The following CPEB1 variants were observed in gnomAD, a reference collection of about 807,000 sequenced individuals.
CPEB1 encodes the protein cytoplasmic polyadenylation element binding protein 1.
In CPEB1, 7 loss-of-function variants were observed where a neutral mutation model predicts 65.8. That is an observed-to-expected ratio of 0.11 (90% CI 0.06 to 0.20). The LOEUF (loss-of-function observed/expected upper bound fraction) is 0.20, where lower values mean the gene tolerates loss of function less well. CPEB1 is among the 10% of genes least tolerant of loss of function. CPEB1 has a pLI of 1.00. For missense variants in CPEB1, 551 were observed against 712.2 expected (o/e 0.77, Z 2.58); for synonymous variants, 262 against 260.0 (o/e 1.01, Z -0.08).
At chr15:82,618,487 G>T (rs773054525) in intron 3 of CPEB1, among the ~76,000 whole-genome samples, 3 of 152,082 alleles carry the variant, frequency 2.0e-5, no homozygotes, top group Non-Finnish European at 4.4e-5. Flanking sequence ...CAGTTGCCTA[G>T]ATCCAAATCT....
Position 82,543,460 on chromosome 15 carries a change from TTA to T in CPEB1, c.*1130_*1131del. 6.9e-6 allele frequency: 1 copy of T among 145,552 alleles called. No homozygotes were observed. The highest frequency in any genetic ancestry group is 1.5e-5 in the Non-Finnish European group (1 of 66,692). The allele number at this position is 145,552 out of a possible 1,614,324, so 9.0% of individuals were successfully genotyped here. The stretch of plus-strand genomic sequence containing the variant: ...GTTTTTGTGGGTTTTTTGTTTCTTT[TTA>T]AAAAAAAAAAAAAAAAAAAAAAGGA... On this transcript the variant is annotated 3_prime_UTR_variant, in exon 13 of 13. Transcript: ENST00000684509.
chr15:82,618,181 T>C (rs918209522), intron 3 of CPEB1, among the ~76,000 whole-genome samples: 1 of 152,190 alleles, frequency 6.6e-6, no homozygotes, highest in African/African-American at 2.4e-5. Context: ...TCCAAATAGT[T>C]GTACCATTTT....
Position 82,611,996 on chromosome 15 carries a change from G to A in CPEB1, c.271+15197C>T, listed in dbSNP as rs141507826. On this transcript the variant is annotated intron_variant, in intron 3 of 12. Transcript: ENST00000684509. Reference sequence around the variant, plus strand: ...GAAGCCGAGGTGGGCAGATCATGAGGTCAGGAGATCGAGACCATCCTGGCT... The same window carrying A: ...GAAGCCGAGGTGGGCAGATCATGAGATCAGGAGATCGAGACCATCCTGGCT... 4.0e-3 allele frequency among the ~76,000 whole-genome samples: 602 copies of A among 151,882 alleles called. 3 individuals are homozygous for A. The highest frequency in any genetic ancestry group is 6.7e-3 in the Non-Finnish European group (455 of 67,950).
intron 4 of CPEB1, among the ~76,000 whole-genome samples, chr15:82,565,875 A>C (rs956013855): frequency 5.9e-5 from 9 of 152,178 alleles, no homozygotes; most frequent in Non-Finnish European, 1.2e-4. Flanking sequence ...TCTTCCTAGA[A>C]CAGACGTACC....
chr15:82,568,214 A>C (rs989825376), intron 4 of CPEB1, among the ~76,000 whole-genome samples: 1 of 152,192 alleles, frequency 6.6e-6, no homozygotes, highest in African/African-American at 2.4e-5. Flanking sequence ...CTGTACAAGC[A>C]TTAAAATCAT....
chr15:82,627,128 A>G, intron 3 of CPEB1, 65 bp downstream of exon 3: 1 of 1,286,450 alleles, frequency 7.8e-7, no homozygotes, highest in East Asian at 2.5e-5. Flanking sequence ...GACCTCTTAC[A>G]TGCACTACTT....
At chr15:82,591,594 T>A (rs1026917093) in intron 3 of CPEB1, among the ~76,000 whole-genome samples, 1 of 152,104 alleles carries the variant, frequency 6.6e-6, no homozygotes, top group African/African-American at 2.4e-5. Flanking sequence ...TGATCAGTTA[T>A]AAAGCTTTTT....
At chr15:82,558,835 C>T (rs2037691944) in intron 4 of CPEB1, among the ~76,000 whole-genome samples, 1 of 152,170 alleles carries the variant, frequency 6.6e-6, no homozygotes, top group Non-Finnish European at 1.5e-5. Context: ...ACGTTTTCCA[C>T]ACTTGGCCTT....
At chr15:82,594,752 A>G (rs2042546833) in intron 3 of CPEB1, among the ~76,000 whole-genome samples, 1 of 152,150 alleles carries the variant, frequency 6.6e-6, no homozygotes, top group Non-Finnish European at 1.5e-5. Flanking sequence ...TTTGATGTAA[A>G]CTGAGACACA....
intron 1 of CPEB1, among the ~76,000 whole-genome samples, chr15:82,634,852 C>T (rs914662606): frequency 1.3e-5 from 2 of 152,058 alleles, no homozygotes; most frequent in Non-Finnish European, 2.9e-5. Flanking sequence ...GGCAATTTGC[C>T]TTTATTTTTC....
chr15:82,630,740 G>A (rs770727374), intron 1 of CPEB1, among the ~76,000 whole-genome samples: 1 of 152,092 alleles, frequency 6.6e-6, no homozygotes, highest in Non-Finnish European at 1.5e-5. Flanking sequence ...TGGAAATGGG[G>A]GTAAAGAGGA....
intron 1 of CPEB1, chr15:82,638,615 A>G (rs187791870): frequency 6.6e-6 from 1 of 152,306 alleles, no homozygotes; most frequent in African/African-American, 2.4e-5. Flanking sequence ...TTGAATAACC[A>G]TAGTTTGTTA....
At chr15:82,565,446 A>G (rs1307951131) in intron 4 of CPEB1, among the ~76,000 whole-genome samples, 1 of 152,208 alleles carries the variant, frequency 6.6e-6, no homozygotes, top group Non-Finnish European at 1.5e-5. Context: ...AATCAGAAGG[A>G]AAGGAGCAAA....
upstream of CPEB1, chr15:82,647,907 C>T: frequency 2.4e-6 from 3 of 1,229,192 alleles, no homozygotes; most frequent in South Asian, 3.8e-5. Context: ...ACGGGCTGAC[C>T]GGCCAGCCGG....
chr15:82,589,622 T>C (rs1239544428), intron 3 of CPEB1, among the ~76,000 whole-genome samples: 1 of 151,810 alleles, frequency 6.6e-6, no homozygotes, highest in Admixed American at 6.6e-5. Flanking sequence ...CACATGCCCA[T>C]AGTCCCAGCT....
intron 1 of CPEB1, among the ~76,000 whole-genome samples, chr15:82,636,134 T>A (rs1024195448): frequency 1.1e-4 from 16 of 152,298 alleles, no homozygotes; most frequent in African/African-American, 3.8e-4. Flanking sequence ...CACCACACCT[T>A]CCTTGATTTA....
chr15:82,622,495 G>A (rs1039893407), intron 3 of CPEB1, among the ~76,000 whole-genome samples: 3 of 152,006 alleles, frequency 2.0e-5, no homozygotes, highest in Non-Finnish European at 2.9e-5. Context: ...CCGACTCCCC[G>A]GTTCAAGCAA....
intron 10 of CPEB1, chr15:82,548,604 T>G: frequency 7.7e-6 from 3 of 390,288 alleles, no homozygotes; most frequent in Non-Finnish European, 1.6e-5. Context: ...AAGATGCAGA[T>G]AGAACACTTG....
rs2040088297 is a variant in CPEB1 at position 82,571,889 on chromosome 15, G to A, written c.272-357C>T. On this transcript the variant is annotated intron_variant, in intron 3 of 12. Transcript: ENST00000684509. ...GGGGAGGAGCAGGAGGGGACGACAGGGAGGAGACTTGCCTCCCAGGGAAAG... is the reference window on the plus strand; with the variant it reads ...GGGGAGGAGCAGGAGGGGACGACAGAGAGGAGACTTGCCTCCCAGGGAAAG... 8.7e-6 allele frequency: 9 copies of A among 1,038,182 alleles called. No homozygotes were observed. In the South Asian group the frequency reaches 3.3e-4, roughly 38 times the overall value. The allele number at this position is 1,038,182 out of a possible 1,614,324, so 64.3% of individuals were successfully genotyped here. A position where few individuals can be genotyped will look rare whatever the true frequency, so the allele number is the denominator to read the frequency against.
Sources: gnomAD v4.1 joint callset for allele counts (sites outside exome capture counted in the v4.1 genomes callset) on GRCh38, gnomAD v4.1.1 for gene constraint, MANE v1.5 for transcripts, NCBI Gene and HGNC (gene_info 2026-07-23, HGNC 2026-07-21) for gene names.